The following TIMM23B variants were observed in gnomAD, a reference collection of about 807,000 sequenced individuals.
TIMM23B encodes translocase of inner mitochondrial membrane 23 homolog B.
Under a neutral mutation model 27.3 loss-of-function variants are expected in TIMM23B, and 27 were observed. The observed-to-expected ratio is 0.99, with a 90% CI of 0.73 to 1.36. The LOEUF is 1.36. Ranked by LOEUF, TIMM23B falls within the 40% of genes most tolerant of loss-of-function variation. The pLI, the probability that TIMM23B is intolerant of heterozygous loss-of-function variation, is 0.00. For synonymous variants in TIMM23B, 73 were observed against 92.4 expected (o/e 0.79, Z 1.21); for missense variants, 205 against 244.2 (o/e 0.84, Z 1.07).
At chr10:49,967,421 G>A (rs1454343916) in intron 6 of TIMM23B, among the ~76,000 whole-genome samples, 3 of 151,996 alleles carry the variant, frequency 2.0e-5, no homozygotes, top group Admixed American at 2.0e-4. Flanking sequence ...TCTGTGCCCT[G>A]TCTTCTTGGG....
intron 1 of TIMM23B, among the ~76,000 whole-genome samples, chr10:49,943,527 C>A (rs1410023864): frequency 2.0e-5 from 3 of 151,900 alleles, no homozygotes; most frequent in Admixed American, 6.6e-5. Context: ...ACTACTTTAC[C>A]TGTTTAGAAC....
At chr10:49,952,757 T>A (rs1353990060) in intron 4 of TIMM23B, among the ~76,000 whole-genome samples, 1 of 148,312 alleles carries the variant, frequency 6.7e-6, no homozygotes, top group East Asian at 1.9e-4. Flanking sequence ...CTCAATCAGC[T>A]AGTGCTATGC....
intron 6 of TIMM23B, among the ~76,000 whole-genome samples, chr10:49,971,967 C>G (rs1421758998): frequency 6.6e-6 from 1 of 152,166 alleles, no homozygotes; most frequent in Non-Finnish European, 1.5e-5. Context: ...CATTTTAGAA[C>G]AGCTGACTTG....
At chr10:49,968,964 G>C (rs577414102) in intron 6 of TIMM23B, among the ~76,000 whole-genome samples, 3 of 152,234 alleles carry the variant, frequency 2.0e-5, no homozygotes, top group Non-Finnish European at 4.4e-5. Flanking sequence ...ACAGGATTGT[G>C]ATGCATTTTA....
At chr10:49,963,720 C>T (rs1840005254) in intron 6 of TIMM23B, among the ~76,000 whole-genome samples, 2 of 152,166 alleles carry the variant, frequency 1.3e-5, no homozygotes, top group Admixed American at 1.3e-4. Context: ...AATCCTAGCA[C>T]TTTGGGAGGC....
intron 1 of TIMM23B, among the ~76,000 whole-genome samples, 196 bp downstream of exon 1, chr10:49,942,496 C>T (rs1338918543): frequency 2.0e-5 from 3 of 152,078 alleles, no homozygotes; most frequent in Non-Finnish European, 2.9e-5. Flanking sequence ...CCACGGATCT[C>T]CTGGGGAAGC....
chr10:49,973,057 G>T lies in TIMM23B; in HGVS notation c.560G>T (p.Gly187Val), dbSNP rs1309634555. ...LDSPFCVLLS[G>V]S ...TCCCCGTTCTGTGTGCTGCTGTCTG[G>T]CTCCTGAACCCAGCTGTAGAGGTGT... Residue 187 changes from glycine to valine, a missense_variant, in exon 7 of 7, where the codon GGC (glycine) becomes GTC (valine). Physicochemically the swap from Gly to Val is moderately radical, Grantham distance 109. Transcript: ENST00000651259. 6.5e-7 allele frequency: 1 copy of T among 1,533,282 alleles called. No homozygotes were observed. The highest frequency in any genetic ancestry group is 8.7e-7 in the Non-Finnish European group (1 of 1,146,522). 95.0% of individuals were successfully genotyped at this position (1,533,282 alleles called of 1,614,324 possible). A position where few individuals can be genotyped will look rare whatever the true frequency, so the allele number is the denominator to read the frequency against.
intron 2 of TIMM23B, among the ~76,000 whole-genome samples, chr10:49,947,699 C>CT (rs1839398297): frequency 6.6e-6 from 1 of 151,996 alleles, no homozygotes; most frequent in Non-Finnish European, 1.5e-5. Flanking sequence ...GAGGCTGAGG[C>CT]GGGAGGATCA....
chr10:49,972,296 G>GTT (rs1333709002), intron 6 of TIMM23B, among the ~76,000 whole-genome samples: 1 of 152,130 alleles, frequency 6.6e-6, no homozygotes, highest in Non-Finnish European at 1.5e-5. Context: ...TTAGGACAGC[G>GTT]TGAGTCACAG....
chr10:49,968,364 A>G (rs1305677637), intron 6 of TIMM23B, among the ~76,000 whole-genome samples: 38 of 152,368 alleles, frequency 2.5e-4, no homozygotes, highest in African/African-American at 8.9e-4. Flanking sequence ...TTTAAGACTT[A>G]AGACTCTTAG....
At position 49,952,547 on chromosome 10, in the gene TIMM23B, A is replaced by G. The variant is rs1839568113; in HGVS notation, c.344+14A>G. The G allele has an allele frequency of 1.2e-6, 2 of 1,613,006 alleles. No homozygotes were observed. The highest frequency in any genetic ancestry group is 2.7e-5 in the African/African-American group (2 of 74,894). On this transcript the variant is annotated intron_variant, in intron 4 of 6. Coordinates refer to ENST00000651259, the MANE Select transcript of TIMM23B (RefSeq NM_001290117.2). Reference sequence around the variant, plus strand: ...AGGAAATGTACAGTAAGTCTCTTGTAACCATCTGATGTAGTGATACTTGAA... The same window carrying G: ...AGGAAATGTACAGTAAGTCTCTTGTGACCATCTGATGTAGTGATACTTGAA...
intron 5 of TIMM23B, among the ~76,000 whole-genome samples, chr10:49,956,463 GTGTGTGTA>G (rs1158006271): frequency 0.069 from 8,502 of 123,956 alleles, 995 homozygotes; most frequent in Non-Finnish European, 0.11. Context: ...GTGTGTGTGT[GTGTGTGTA>G]TGTGTGTCTT....
chr10:49,963,544 GAAAT>G (rs1372697018), intron 6 of TIMM23B, among the ~76,000 whole-genome samples: 1 of 152,174 alleles, frequency 6.6e-6, no homozygotes, highest in Non-Finnish European at 1.5e-5. Context: ...ATGAAATGAA[GAAAT>G]AAATGAAATA....
chr10:49,943,687 A>ACAG (rs1839246740), intron 1 of TIMM23B, among the ~76,000 whole-genome samples: 1 of 148,636 alleles, frequency 6.7e-6, no homozygotes, highest in Non-Finnish European at 1.5e-5. Context: ...CTGAGCTTTT[A>ACAG]CAGTGTGCTA....
chr10:49,966,103 A>G (rs1376317329), intron 6 of TIMM23B, among the ~76,000 whole-genome samples: 3 of 122,060 alleles, frequency 2.5e-5, no homozygotes, highest in Non-Finnish European at 5.1e-5. Context: ...GACATGATGA[A>G]ATGAAATAAT....
chr10:49,966,174 C>G (rs1840148729), intron 6 of TIMM23B, among the ~76,000 whole-genome samples: 2 of 140,894 alleles, frequency 1.4e-5, no homozygotes, highest in Non-Finnish European at 3.0e-5. Context: ...TAGAGTGAGT[C>G]TTCATCTCTA....
Position 49,942,214 on chromosome 10 carries a change from G to A in TIMM23B, c.20G>A (p.Ser7Asn), listed in dbSNP as rs1327638224. The A allele has an allele frequency of 3.1e-6, 5 of 1,609,534 alleles. No homozygotes were observed. In the Admixed American group the frequency reaches 6.7e-5, roughly 22 times the overall value. The stretch of plus-strand genomic sequence containing the variant: ...GATACCATGGAAGGAGGCGGGGGAA[G>A]CGGCGACAAAACCACAGGGGTATTG... MEGGGG[S>N]GDKTTGVLAG... Residue 7 changes from serine (S) to asparagine (N), a missense_variant, in exon 1 of 7, where the codon AGC (serine) becomes AAC (asparagine). Physicochemically the swap from Ser to Asn is conservative, Grantham distance 46. Transcript: ENST00000651259.
chr10:49,956,426 C>CGTGTGTGTGTGTGT (rs1173703740), intron 5 of TIMM23B, among the ~76,000 whole-genome samples: 3 of 113,854 alleles, frequency 2.6e-5, no homozygotes, highest in East Asian at 2.3e-4. Flanking sequence ...ACTAGAAATA[C>CGTGTGTGTGTGTGT]GTGTGTGTGT....
intron 6 of TIMM23B, among the ~76,000 whole-genome samples, chr10:49,964,581 TAATGA>T (rs1405185146): frequency 2.1e-5 from 3 of 146,148 alleles, no homozygotes; most frequent in African/African-American, 7.7e-5. Context: ...TGAAATGAAA[TAATGA>T]AATGAATAAT....
Sources: gnomAD v4.1 joint callset for allele counts (sites outside exome capture counted in the v4.1 genomes callset) on GRCh38, gnomAD v4.1.1 for gene constraint, MANE v1.5 for transcripts, NCBI Gene and HGNC (gene_info 2026-07-23, HGNC 2026-07-21) for gene names.